The following AR variants were observed in gnomAD, a reference collection of about 807,000 sequenced individuals.
AR encodes androgen receptor.
Under a neutral mutation model 53.9 loss-of-function variants are expected in AR, and 8 were observed. That is an observed-to-expected ratio of 0.15 (90% CI 0.09 to 0.27). The LOEUF is 0.27. AR is among the 10% of genes least tolerant of loss of function. The pLI is 1.00. For synonymous variants in AR, 359 were observed against 316.4 expected, an observed-to-expected ratio of 1.13 and a Z score of -1.43; for missense variants, 639 against 742.5, an observed-to-expected ratio of 0.86 and a Z score of 1.62.
intron 2 of AR, among the ~76,000 whole-genome samples, chrX:67,674,131 T>C (rs2075884081): frequency 1.8e-5 from 2 of 110,060 alleles, no homozygotes; most frequent in Admixed American, 9.7e-5. Flanking sequence ...TCTTGTTCTC[T>C]TCTCTCACTT....
intron 3 of AR, among the ~76,000 whole-genome samples, chrX:67,700,004 C>A (rs2076036112): frequency 9.0e-6 from 1 of 111,302 alleles, no homozygotes; most frequent in Non-Finnish European, 1.9e-5. Context: ...CTATAGATAG[C>A]TCCCACAGGG....
At chrX:67,674,601 A>T (rs765197683) in intron 2 of AR, among the ~76,000 whole-genome samples, 1 of 111,132 alleles carries the variant, frequency 9.0e-6, no homozygotes, top group Non-Finnish European at 1.9e-5. Context: ...CATGGCAAGT[A>T]TTGTCTGGCT....
At position 67,728,270 on chromosome X, in the gene AR, G is replaced by A. The variant is rs1356421822; in HGVS notation, c.*4429G>A. The stretch of plus-strand genomic sequence containing the variant: ...GGTCCTTCACTAAGTGATTTTATAA[G>A]CAGAACTGGCTTTCCTTTTCTCTAG... On this transcript the variant is annotated 3_prime_UTR_variant, in exon 8 of 8. Transcript: ENST00000374690. The A allele has an allele frequency of 1.2e-5, 2 of 163,334 alleles. No homozygotes were observed. The highest frequency in any genetic ancestry group is 6.2e-5 in the African/African-American group (2 of 32,452). The allele number at this position is 163,334 out of a possible 1,213,427, so 13.5% of individuals were successfully genotyped here.
rs2147321256 is a variant in AR at position 67,546,451 on chromosome X, G to A, written c.1305G>A (p.Trp435Ter). ...GSPSAAASSS[W>*]HTLFTAEEGQ... ...CCTCAGCCGCCGCTTCCTCATCCTG[G>A]CACACTCTCTTCACAGCCGAAGAAG... Residue 435 changes from tryptophan to a stop codon, truncating the protein, a stop_gained, in exon 1 of 8, where the codon TGG becomes TGA. Coordinates refer to ENST00000374690, the MANE Select transcript of AR (RefSeq NM_000044.6). LOFTEE classifies it high-confidence loss of function. The A allele has an allele frequency of 8.5e-7, 1 of 1,181,483 alleles. No individual in the cohort carries two copies. The highest frequency in any genetic ancestry group is 3.1e-5 in the East Asian group (1 of 32,336).
At chrX:67,650,823 G>T (rs1926299758) in intron 2 of AR, among the ~76,000 whole-genome samples, 1 of 111,611 alleles carries the variant, frequency 9.0e-6, no homozygotes, top group Admixed American at 9.6e-5. Context: ...GCTGTGTTGT[G>T]ACTACTGAGG....
At chrX:67,675,068 G>A (rs953610997) in intron 2 of AR, among the ~76,000 whole-genome samples, 2 of 110,690 alleles carry the variant, frequency 1.8e-5, no homozygotes, top group Non-Finnish European at 3.8e-5. Context: ...TTCTGGCCCA[G>A]TGTGTATCTA....
At chrX:67,673,966 A>G (rs2075883123) in intron 2 of AR, among the ~76,000 whole-genome samples, 1 of 110,741 alleles carries the variant, frequency 9.0e-6, no homozygotes, top group Non-Finnish European at 1.9e-5. Context: ...AGGGATTTGG[A>G]TGCTGTGATC....
chrX:67,625,734 C>T (rs1312160997), intron 1 of AR, among the ~76,000 whole-genome samples: 2 of 110,954 alleles, frequency 1.8e-5, no homozygotes, highest in Non-Finnish European at 1.9e-5. Flanking sequence ...CACTTCAAAC[C>T]TGCAAAAAAA....
intron 2 of AR, among the ~76,000 whole-genome samples, chrX:67,650,793 C>A (rs1042854895): frequency 9.8e-5 from 11 of 111,694 alleles, no homozygotes; most frequent in Non-Finnish European, 2.1e-4. Context: ...GTTTAGAATT[C>A]TCAGTCCCTT....
At chrX:67,714,044 A>T (rs1281574676) in intron 4 of AR, among the ~76,000 whole-genome samples, 1 of 112,263 alleles carries the variant, frequency 8.9e-6, no homozygotes, top group Non-Finnish European at 1.9e-5. Flanking sequence ...ATTTTGTTTT[A>T]AGTTTTCTGT....
intron 1 of AR, among the ~76,000 whole-genome samples, chrX:67,640,337 A>G (rs1925680190): frequency 9.0e-6 from 1 of 111,188 alleles, no homozygotes; most frequent in African/African-American, 3.3e-5. Context: ...GGCCCATAAA[A>G]TGAGTTAGGG....
At chrX:67,661,262 T>C (rs1243528751) in intron 2 of AR, among the ~76,000 whole-genome samples, 8 of 110,161 alleles carry the variant, frequency 7.3e-5, no homozygotes, top group Non-Finnish European at 1.1e-4. Flanking sequence ...TGAATAGGAG[T>C]GGTGAGAGAG....
At chrX:67,627,636 T>A (rs1924759890) in intron 1 of AR, among the ~76,000 whole-genome samples, 1 of 111,904 alleles carries the variant, frequency 8.9e-6, no homozygotes, top group African/African-American at 3.2e-5. Context: ...TTTAGTTGAA[T>A]TAGATCCCAT....
intron 3 of AR, chrX:67,694,691 A>C (rs993585070): frequency 8.7e-7 from 1 of 1,152,720 alleles, no homozygotes; most frequent in Non-Finnish European, 1.1e-6. Context: ...CGGGTTGGCA[A>C]TTGCAAGCAT....
intron 1 of AR, among the ~76,000 whole-genome samples, chrX:67,568,616 G>C (rs994106072): frequency 9.0e-6 from 1 of 111,615 alleles, no homozygotes; most frequent in Admixed American, 9.5e-5. Context: ...TTATTTTTCA[G>C]AGGCCTGGCA....
chrX:67,680,397 A>T (rs2075926036), intron 2 of AR, among the ~76,000 whole-genome samples: 1 of 111,827 alleles, frequency 8.9e-6, no homozygotes, highest in African/African-American at 3.2e-5. Flanking sequence ...TTTTGTCAAG[A>T]TTTTGTTTGA....
At chrX:67,663,309 G>A (rs894493900) in intron 2 of AR, among the ~76,000 whole-genome samples, 8 of 112,071 alleles carry the variant, frequency 7.1e-5, no homozygotes, top group Non-Finnish European at 1.5e-4. Context: ...AGCTCCTGCA[G>A]TGCAGGCCTG....
chrX:67,550,021 G>T (rs1929931631), intron 1 of AR, among the ~76,000 whole-genome samples: 1 of 111,738 alleles, frequency 8.9e-6, no homozygotes, highest in Admixed American at 9.5e-5. Context: ...CAATATTTTG[G>T]CAAGAAGCAT....
intron 1 of AR, among the ~76,000 whole-genome samples, chrX:67,603,847 TA>T (rs1356608072): frequency 1.8e-5 from 2 of 110,908 alleles, no homozygotes; most frequent in Admixed American, 9.6e-5. Flanking sequence ...AGAAAGATGA[TA>T]AAGAGATGAT....
Sources: gnomAD v4.1 joint callset for allele counts (sites outside exome capture counted in the v4.1 genomes callset) on GRCh38, gnomAD v4.1.1 for gene constraint, MANE v1.5 for transcripts, NCBI Gene and HGNC (gene_info 2026-07-23, HGNC 2026-07-21) for gene names.